ZNF827: variants seen among roughly 807,000 people sequenced by gnomAD.
ZNF827 encodes zinc finger protein 827.
Under a neutral mutation model 102.4 loss-of-function variants are expected in ZNF827, and 13 were observed. That is an observed-to-expected ratio of 0.13 (90% CI 0.08 to 0.20). The LOEUF is 0.20. Ranked by LOEUF, ZNF827 falls within the 10% of genes least tolerant of loss-of-function variation. The probability of loss-of-function intolerance (pLI) is 1.00; values close to 1 mark genes in which losing one functional copy is unlikely to be tolerated. For missense variants in ZNF827, 1,103 were observed against 1,344.4 expected (o/e 0.82, Z 2.81); for synonymous variants, 523 against 536.2 (o/e 0.98, Z 0.34).
chr4:145,904,676 G>A (rs1751690698), intron 1 of ZNF827, among the ~76,000 whole-genome samples: 1 of 152,208 alleles, frequency 6.6e-6, no homozygotes, highest in South Asian at 2.1e-4. Flanking sequence ...AATATCATGA[G>A]TCAGTGTGTG....
At chr4:145,904,854 C>T (rs933824963) in intron 1 of ZNF827, among the ~76,000 whole-genome samples, 1 of 152,106 alleles carries the variant, frequency 6.6e-6, no homozygotes, top group Admixed American at 6.6e-5. Context: ...TTGTGGCAAG[C>T]GAGTGTTATG....
At position 145,870,240 on chromosome 4, in the gene ZNF827, A is replaced by T. The variant is rs145201537; in HGVS notation, c.1981+5T>A. 3.6e-4 allele frequency: 573 copies of T among 1,612,660 alleles called. 5 individuals are homozygous for T. The East Asian group carries it at 0.012, about 34-fold the overall frequency. On this transcript the variant is annotated splice_donor_5th_base_variant and intron_variant, in intron 5 of 14. Transcript: ENST00000508784. ...AATGTGAATATTTTAGAATAAATCAAGTACCTGAGAGTTTCATGAGAAGTT... is the reference window on the plus strand; with the variant it reads ...AATGTGAATATTTTAGAATAAATCATGTACCTGAGAGTTTCATGAGAAGTT...
At chr4:145,907,982 T>C (rs1215388346) in intron 1 of ZNF827, among the ~76,000 whole-genome samples, 1 of 152,220 alleles carries the variant, frequency 6.6e-6, no homozygotes, top group Non-Finnish European at 1.5e-5. Context: ...TTATTTATAA[T>C]TCAGTTCTCA....
intron 7 of ZNF827, among the ~76,000 whole-genome samples, chr4:145,841,306 G>A (rs1357409430): frequency 1.3e-5 from 2 of 152,172 alleles, no homozygotes; most frequent in Non-Finnish European, 1.5e-5. Context: ...CTGGCTGGGT[G>A]ATGGTCCATG....
chr4:145,831,446 G>A (rs1453991873), intron 7 of ZNF827: 1 of 152,282 alleles, frequency 6.6e-6, no homozygotes. Context: ...TGGCATTGCA[G>A]ATTCAGTGTG....
intron 4 of ZNF827, among the ~76,000 whole-genome samples, chr4:145,885,230 T>C (rs1403693511): frequency 6.6e-6 from 1 of 152,144 alleles, no homozygotes; most frequent in African/African-American, 2.4e-5. Context: ...TCTTTGTATA[T>C]ATGTCCTTTA....
chr4:145,779,477 T>G lies in ZNF827; in HGVS notation c.2418A>C (p.Gly806=), dbSNP rs1429149656. Residue 806 remains glycine (G), a synonymous_variant, in exon 9 of 15, where the codon GGA becomes GGC. Coordinates refer to ENST00000508784, the MANE Select transcript of ZNF827 (RefSeq NM_001306215.2). ...GGTCATTGAATTTCCAGGATGGTAA[T>G]CCATTTCCTGCCTCTAGGACTATCT... The part of the protein sequence containing the change: ...TEKIVLEAGN[G]LPSWKFNDQL... 1 of 1,614,240 alleles carries G rather than the reference T, an allele frequency of 6.2e-7. No individual in the cohort carries two copies. The highest frequency in any genetic ancestry group is 8.5e-7 in the Non-Finnish European group (1 of 1,180,036).
At chr4:145,938,091 G>C (rs1225220745) in intron 1 of ZNF827, among the ~76,000 whole-genome samples, 1 of 149,668 alleles carries the variant, frequency 6.7e-6, no homozygotes, top group Non-Finnish European at 1.5e-5. Context: ...GGGAGGGAAA[G>C]GGAAAAAAAA....
chr4:145,864,395 G>C (rs910444810), intron 5 of ZNF827, among the ~76,000 whole-genome samples: 25 of 141,966 alleles, frequency 1.8e-4, no homozygotes, highest in Non-Finnish European at 3.2e-4. Flanking sequence ...GACCAGCCTG[G>C]GCAACATAGC....
At chr4:145,788,341 A>G (rs532243919) in intron 8 of ZNF827, among the ~76,000 whole-genome samples, 12 of 152,324 alleles carry the variant, frequency 7.9e-5, no homozygotes, top group Admixed American at 6.5e-4. Flanking sequence ...CCCTAATTCC[A>G]GTGAGGCTGA....
chr4:145,846,117 T>C, intron 6 of ZNF827, 104 bp from the exon 7 acceptor site: 1 of 1,101,418 alleles, frequency 9.1e-7, no homozygotes, highest in Non-Finnish European at 1.3e-6. Flanking sequence ...CTTTTTCCTT[T>C]GTGGTTTTCT....
intron 4 of ZNF827, chr4:145,876,562 C>T (rs955369744): frequency 6.6e-6 from 1 of 152,124 alleles, no homozygotes; most frequent in African/African-American, 2.4e-5. Flanking sequence ...GGTAACACAC[C>T]AAGTATTTAC....
rs1735109441 is a variant in ZNF827 at position 145,765,257 on chromosome 4, C to T, written c.3053-92G>A. 2 of 1,368,380 alleles carry T rather than the reference C, an allele frequency of 1.5e-6. No homozygotes were observed. The highest frequency in any genetic ancestry group is 2.0e-6 in the Non-Finnish European group (2 of 1,021,346). The allele number at this position is 1,368,380 out of a possible 1,614,324, so 84.8% of individuals were successfully genotyped here. A position where few individuals can be genotyped will look rare whatever the true frequency, so the allele number is the denominator to read the frequency against. On this transcript the variant is annotated intron_variant, in intron 12 of 14. Coordinates refer to ENST00000508784, the MANE Select transcript of ZNF827 (RefSeq NM_001306215.2). The surrounding 1 kb of genome is among the most constrained non-coding windows in gnomAD (Gnocchi z 4.7). ...CAAGCTCCTCCCCACTTCCTCCCGC[C>T]TCCTCCGACGCCTGACAGCTATACC...
At chr4:145,849,964 G>C (rs903365337) in intron 5 of ZNF827, among the ~76,000 whole-genome samples, 7 of 151,930 alleles carry the variant, frequency 4.6e-5, no homozygotes, top group African/African-American at 1.7e-4. Flanking sequence ...TCAATTCAGT[G>C]AATCAAATAA....
chr4:145,846,006 C>T lies in ZNF827; in HGVS notation c.2229G>A (p.Val743=), dbSNP rs1745894518. The T allele has an allele frequency of 1.2e-6, 2 of 1,614,180 alleles. No individual in the cohort carries two copies. Among genetic ancestry groups the T allele is most frequent in the Non-Finnish European group, 1.7e-6 (2 of 1,180,014 alleles). The part of the protein sequence containing the change: ...SELLFQLSEK[V]SKEHNHTKEN... ...CTTTTGTATGATTGTGCTCTTTGCT[C>T]ACTTTTTCTGTAAGGAGAAAGAATG... Residue 743 remains valine, a synonymous_variant, in exon 7 of 15, where the codon GTG becomes GTA. Coordinates refer to ENST00000508784, the MANE Select transcript of ZNF827 (RefSeq NM_001306215.2).
At position 145,824,025 on chromosome 4, in the gene ZNF827, C is replaced by T. The variant is rs1037514621; in HGVS notation, c.2280-500G>A. ...GAAGGAAACATGTCACTGGTCCCCA[C>T]AGAAACGAAAACTGCAACTTGAAAT... On this transcript the variant is annotated intron_variant, in intron 7 of 14. Transcript: ENST00000508784. Among the ~76,000 whole-genome samples the T allele has an allele frequency of 6.6e-5, 10 of 152,294 alleles. No homozygotes were observed. In the East Asian group the frequency reaches 1.9e-3, roughly 29 times the overall value.
In ZNF827 at chr4:145,765,200, G is replaced by A. The variant is rs1735098431; in HGVS notation, c.3053-35C>T. On this transcript the variant is annotated intron_variant, in intron 12 of 14. Transcript: ENST00000508784. This position sits in a 1 kb window ranked among gnomAD's most constrained non-coding sequence, Gnocchi z 4.7. Reference sequence around the variant, plus strand: ...CCGAAGCTGGGTATAGAGGTGCACAGGGCAGCGGGGAGAGGAGGGCAGGAG... The same window carrying A: ...CCGAAGCTGGGTATAGAGGTGCACAAGGCAGCGGGGAGAGGAGGGCAGGAG... The A allele has an allele frequency of 3.2e-6, 5 of 1,553,068 alleles. No individual in the cohort carries two copies. Among genetic ancestry groups the A allele is most frequent in the Non-Finnish European group, 4.4e-6 (5 of 1,147,452 alleles).
Position 145,902,250 on chromosome 4 carries a change from G to A in ZNF827, c.1009C>T (p.Pro337Ser). 6.2e-7 allele frequency: 1 copy of A among 1,600,406 alleles called. No individual in the cohort carries two copies. ...GATTGTGGTGGTGGTGGTGGAGGTG[G>A]TGGAGGTGGCGGTGGAGGTGGCGGA... Reference protein sequence around the residue: ...VTPPPPPPPPPPPPPPPQSLE... With the variant: ...VTPPPPPPPPSPPPPPPQSLE... The change falls in exon 2 of 15, where the codon CCA (proline) becomes TCA (serine). Residue 337 changes from proline (P) to serine (S), a missense_variant. Coordinates refer to ENST00000508784, the MANE Select transcript of ZNF827 (RefSeq NM_001306215.2). The surrounding 1 kb of genome is among the most constrained non-coding windows in gnomAD (Gnocchi z 4.3).
intron 2 of ZNF827, among the ~76,000 whole-genome samples, chr4:145,893,493 A>C (rs1218175742): frequency 6.6e-6 from 1 of 152,258 alleles, no homozygotes; most frequent in Non-Finnish European, 1.5e-5. Context: ...AAACATGTCC[A>C]AGATATTAGC....
Sources: allele counts gnomAD v4.1 joint callset (sites outside exome capture counted in the v4.1 genomes callset), GRCh38; gene constraint gnomAD v4.1.1; non-coding constraint Gnocchi (gnomAD v3.1); transcripts MANE v1.5; gene names NCBI Gene and HGNC (gene_info 2026-07-23, HGNC 2026-07-21).